Variants in SEMA3A observed in about 807,000 individuals in gnomAD.
SEMA3A encodes semaphorin-3A.
In SEMA3A, 29 loss-of-function variants were observed where a neutral mutation model predicts 97.9. The observed-to-expected ratio is 0.30, with a 90% CI of 0.22 to 0.40. SEMA3A has a LOEUF of 0.40. Among genes scored for constraint, SEMA3A ranks in the 10% least tolerant of loss-of-function variants. SEMA3A has a pLI of 1.00. For missense variants in SEMA3A, 763 were observed against 951.3 expected (o/e 0.80, Z 2.60); for synonymous variants, 321 against 323.7 (o/e 0.99, Z 0.09).
At chr7:83,984,718 A>T (rs1190917591) in intron 13 of SEMA3A, among the ~76,000 whole-genome samples, 2 of 149,848 alleles carry the variant, frequency 1.3e-5, no homozygotes, top group East Asian at 4.0e-4. Flanking sequence ...ATTTGTTTAC[A>T]CATATTACAC....
intron 2 of SEMA3A, among the ~76,000 whole-genome samples, chr7:84,359,581 G>T (rs1802657690): frequency 6.6e-6 from 1 of 152,130 alleles, no homozygotes; most frequent in Non-Finnish European, 1.5e-5. Flanking sequence ...GTTCATCAGG[G>T]ATATTGGTCT....
intron 6 of SEMA3A, among the ~76,000 whole-genome samples, chr7:84,030,997 T>C (rs1414517468): frequency 7.0e-6 from 1 of 142,826 alleles, no homozygotes; most frequent in Non-Finnish European, 1.5e-5. Context: ...GTTTTTTTTT[T>C]TTTTTTTTTT....
rs1211794166 is a variant in SEMA3A at position 84,095,358 on chromosome 7, C to CACACACATATATATATATATAT, written c.453+15111_453+15112insATATATATATATATATGTGTGT. 2.2e-3 allele frequency among the ~76,000 whole-genome samples: 276 copies of CACACACATATATATATATATAT among 122,872 alleles called. 6 individuals carry two copies. Among genetic ancestry groups the CACACACATATATATATATATAT allele is most frequent in the African/African-American group, 8.8e-3 (256 of 28,992 alleles). The allele number at this position is 122,872 out of a possible 152,430, so 80.6% of individuals were successfully genotyped here. ...ATATATATTTTATATTTTTTATATA[C>CACACACATATATATATATATAT]ATATATATATATATATATATATATA... On this transcript the variant is annotated intron_variant, in intron 4 of 16. Coordinates refer to ENST00000265362, the MANE Select transcript of SEMA3A (RefSeq NM_006080.3).
chr7:84,484,034 A>T (rs1806510887), intron 1 of SEMA3A, among the ~76,000 whole-genome samples: 1 of 151,822 alleles, frequency 6.6e-6, no homozygotes, highest in Admixed American at 6.6e-5. Context: ...ACAAGAGTGA[A>T]ACTCTGTCTC....
intron 3 of SEMA3A, among the ~76,000 whole-genome samples, chr7:84,205,419 G>C (rs1358446625): frequency 6.6e-6 from 1 of 151,976 alleles, no homozygotes; most frequent in Non-Finnish European, 1.5e-5. Context: ...AAAATACCTT[G>C]GCAAAAACAT....
chr7:84,044,652 A>G (rs1039433636), intron 6 of SEMA3A, among the ~76,000 whole-genome samples: 4 of 152,006 alleles, frequency 2.6e-5, no homozygotes, highest in Admixed American at 2.6e-4. Context: ...GAATAATTTC[A>G]TGGAAGTAAT....
chr7:84,434,458 A>C (rs1805071202), intron 1 of SEMA3A, among the ~76,000 whole-genome samples: 1 of 152,160 alleles, frequency 6.6e-6, no homozygotes, highest in South Asian at 2.1e-4. Flanking sequence ...CACCAATTCT[A>C]CTGAAATGAT....
chr7:84,177,938 T>C (rs1169454272), intron 1 of SEMA3A, among the ~76,000 whole-genome samples: 1 of 152,154 alleles, frequency 6.6e-6, no homozygotes, highest in Admixed American at 6.5e-5. Flanking sequence ...TCTCCTAATG[T>C]ATACATATTG....
intron 12 of SEMA3A, among the ~76,000 whole-genome samples, chr7:83,997,784 T>A (rs1172317251): frequency 6.6e-6 from 1 of 151,658 alleles, no homozygotes. Context: ...TCATCAGGGC[T>A]GGAGTGCAGT....
intron 1 of SEMA3A, among the ~76,000 whole-genome samples, chr7:84,412,189 A>G (rs55737059): frequency 0.11 from 17,030 of 152,182 alleles, 1,199 homozygotes; most frequent in East Asian, 0.28. Context: ...CTAACCACAT[A>G]CAAGGATCAT....
At chr7:84,068,221 A>T (rs1481645193) in intron 4 of SEMA3A, among the ~76,000 whole-genome samples, 1 of 146,750 alleles carries the variant, frequency 6.8e-6, no homozygotes, top group Non-Finnish European at 1.5e-5. Context: ...GGAATTGAAC[A>T]ATGAGATCAC....
intron 1 of SEMA3A, among the ~76,000 whole-genome samples, chr7:84,184,223 T>C (rs1027911290): frequency 2.0e-5 from 3 of 152,140 alleles, no homozygotes; most frequent in African/African-American, 7.2e-5. Context: ...CATTTTGTTA[T>C]GTTAGATCTT....
At chr7:84,435,733 A>T (rs1389844780) in intron 1 of SEMA3A, among the ~76,000 whole-genome samples, 2 of 152,212 alleles carry the variant, frequency 1.3e-5, no homozygotes, top group Non-Finnish European at 2.9e-5. Flanking sequence ...AATACCATTG[A>T]AATGTCCATA....
chr7:84,139,137 A>C (rs915873473), intron 1 of SEMA3A, among the ~76,000 whole-genome samples: 1 of 152,112 alleles, frequency 6.6e-6, no homozygotes, highest in African/African-American at 2.4e-5. Context: ...AAAATTCAGT[A>C]ATGTGAAATG....
chr7:84,340,008 A>G (rs1214516585), intron 2 of SEMA3A, among the ~76,000 whole-genome samples: 1 of 152,158 alleles, frequency 6.6e-6, no homozygotes, highest in Non-Finnish European at 1.5e-5. Context: ...GAGGATTAAA[A>G]AACATCACTT....
At chr7:84,397,424 T>A (rs1041648068) in intron 1 of SEMA3A, among the ~76,000 whole-genome samples, 4 of 148,212 alleles carry the variant, frequency 2.7e-5, no homozygotes, top group African/African-American at 9.8e-5. Context: ...ATTATATATA[T>A]AAAATATATA....
At chr7:84,398,727 G>C (rs1279327216) in intron 1 of SEMA3A, among the ~76,000 whole-genome samples, 2 of 151,910 alleles carry the variant, frequency 1.3e-5, no homozygotes, top group African/African-American at 4.8e-5. Context: ...AGGATCACTA[G>C]AGCCCAGGAG....
intron 1 of SEMA3A, among the ~76,000 whole-genome samples, chr7:84,178,008 C>G (rs779370535): frequency 5.9e-5 from 9 of 152,116 alleles, no homozygotes; most frequent in Non-Finnish European, 1.0e-4. Flanking sequence ...AAGTCACACA[C>G]AACAATTACT....
intron 12 of SEMA3A, among the ~76,000 whole-genome samples, chr7:83,991,370 G>T (rs200143199): frequency 0.03 from 4,480 of 151,686 alleles, 172 homozygotes; most frequent in East Asian, 0.19. Flanking sequence ...AATAGGAGTG[G>T]TGAGAGAGGG....
Sources: gnomAD v4.1 joint callset for allele counts (sites outside exome capture counted in the v4.1 genomes callset) on GRCh38, gnomAD v4.1.1 for gene constraint, MANE v1.5 for transcripts, NCBI Gene and HGNC (gene_info 2026-07-23, HGNC 2026-07-21) for gene names.